The following OPCML variants were observed in gnomAD, a reference collection of about 807,000 sequenced individuals.
OPCML encodes the protein opioid-binding protein/cell adhesion molecule.
Under a neutral mutation model 37.8 loss-of-function variants are expected in OPCML, and 13 were observed. The observed-to-expected ratio is 0.34, with a 90% CI of 0.22 to 0.55. The LOEUF (loss-of-function observed/expected upper bound fraction) is 0.55, where lower values mean the gene tolerates loss of function less well. Ranked by LOEUF, OPCML falls within the 20% of genes least tolerant of loss-of-function variation. The pLI is 0.91. For missense variants in OPCML, 341 were observed against 435.6 expected (o/e 0.78, Z 1.93); for synonymous variants, 176 against 168.8 (o/e 1.04, Z -0.33).
At chr11:132,934,669 C>A (rs1945313977) in intron 2 of OPCML, among the ~76,000 whole-genome samples, 1 of 152,188 alleles carries the variant, frequency 6.6e-6, no homozygotes, top group Non-Finnish European at 1.5e-5. Flanking sequence ...CCTTCTTTAG[C>A]TCCTTTCTTT....
At chr11:133,050,734 T>C (rs914014196) in intron 1 of OPCML, among the ~76,000 whole-genome samples, 2 of 133,100 alleles carry the variant, frequency 1.5e-5, no homozygotes, top group Admixed American at 8.0e-5. Flanking sequence ...TTTTTTTTTT[T>C]CAGTGCATTT....
At chr11:133,332,796 G>T (rs552760156) in intron 1 of OPCML, among the ~76,000 whole-genome samples, 9 of 152,264 alleles carry the variant, frequency 5.9e-5, no homozygotes, top group African/African-American at 1.9e-4. Flanking sequence ...TGCCTGCGGG[G>T]ATGAAGTCTA....
chr11:133,438,532 CAGAG>C (rs1219443497), intron 1 of OPCML, among the ~76,000 whole-genome samples: 4 of 152,072 alleles, frequency 2.6e-5, no homozygotes, highest in African/African-American at 9.7e-5. Flanking sequence ...TTAAAAGAAA[CAGAG>C]GGAATAACAA....
At chr11:132,678,290 C>A (rs191459630) in intron 2 of OPCML, among the ~76,000 whole-genome samples, 1 of 152,120 alleles carries the variant, frequency 6.6e-6, no homozygotes, top group Non-Finnish European at 1.5e-5. Context: ...CCTTCATTGC[C>A]GGTAGGAATG....
At chr11:133,230,758 C>A (rs1246925456) in intron 1 of OPCML, among the ~76,000 whole-genome samples, 1 of 152,190 alleles carries the variant, frequency 6.6e-6, no homozygotes, top group Non-Finnish European at 1.5e-5. Flanking sequence ...TCACTGAGGA[C>A]AGGCCCATTT....
At chr11:133,123,132 A>G (rs1949446814) in intron 1 of OPCML, among the ~76,000 whole-genome samples, 2 of 152,206 alleles carry the variant, frequency 1.3e-5, no homozygotes, top group Admixed American at 6.5e-5. Flanking sequence ...CCCCAAGGAC[A>G]TGGATTTGAA....
intron 2 of OPCML, among the ~76,000 whole-genome samples, chr11:132,803,178 C>A (rs1013167551): frequency 3.3e-5 from 5 of 152,172 alleles, no homozygotes. Context: ...TCCCTCTCTT[C>A]ATCTGTTCTC....
At chr11:133,458,689 GTGTA>G (rs1222331904) in intron 1 of OPCML, among the ~76,000 whole-genome samples, 1 of 142,670 alleles carries the variant, frequency 7.0e-6, no homozygotes, top group Middle Eastern at 3.8e-3. Flanking sequence ...GCACGTGTGT[GTGTA>G]TATATACACA....
chr11:133,111,212 C>G lies in OPCML; in HGVS notation c.62-168202G>C, dbSNP rs114400576. ...AAAAAATGCACAAATGTGCTATGACCCCAGCAGAATACTTGGTGCCATTTA... is the reference window on the plus strand; with the variant it reads ...AAAAAATGCACAAATGTGCTATGACGCCAGCAGAATACTTGGTGCCATTTA... On this transcript the variant is annotated intron_variant, in intron 1 of 7. Coordinates refer to ENST00000524381, the MANE Select transcript of OPCML (RefSeq NM_001012393.5). Among the ~76,000 whole-genome samples, 1,108 of 152,202 alleles carry G rather than the reference C, an allele frequency of 7.3e-3. 13 individuals carry two copies. The highest frequency in any genetic ancestry group is 0.026 in the African/African-American group (1,070 of 41,516).
At chr11:132,629,779 A>T (rs928106412) in intron 3 of OPCML, among the ~76,000 whole-genome samples, 3 of 152,216 alleles carry the variant, frequency 2.0e-5, no homozygotes, top group Non-Finnish European at 2.9e-5. Flanking sequence ...ACTGGAAAAC[A>T]TATTAACTAG....
chr11:132,821,623 C>T (rs1939991080), intron 2 of OPCML, among the ~76,000 whole-genome samples: 1 of 152,166 alleles, frequency 6.6e-6, no homozygotes, highest in South Asian at 2.1e-4. Flanking sequence ...AAAGATTAGC[C>T]CCAGATTGCT....
At chr11:132,860,331 G>T (rs1411177579) in intron 2 of OPCML, 4 of 152,192 alleles carry the variant, frequency 2.6e-5, no homozygotes, top group African/African-American at 9.7e-5. Context: ...CTCAAAACTT[G>T]AGTTATACTA....
At chr11:133,038,646 C>G (rs1947828736) in intron 1 of OPCML, among the ~76,000 whole-genome samples, 2 of 152,232 alleles carry the variant, frequency 1.3e-5, no homozygotes, top group African/African-American at 4.8e-5. Context: ...AACTGCTGCA[C>G]AGAGAGGTTA....
At chr11:133,273,008 G>T (rs1156833316) in intron 1 of OPCML, among the ~76,000 whole-genome samples, 1 of 152,150 alleles carries the variant, frequency 6.6e-6, no homozygotes, top group Non-Finnish European at 1.5e-5. Flanking sequence ...GCTGCTGAGA[G>T]AGTGACTTCT....
At chr11:132,932,180 T>C (rs1366489381) in intron 2 of OPCML, among the ~76,000 whole-genome samples, 3 of 152,136 alleles carry the variant, frequency 2.0e-5, no homozygotes, top group Non-Finnish European at 4.4e-5. Context: ...TATTGTTTAA[T>C]GGATTCTGAG....
intron 1 of OPCML, among the ~76,000 whole-genome samples, chr11:133,305,522 A>C (rs1942894048): frequency 6.6e-6 from 1 of 152,222 alleles, no homozygotes; most frequent in Non-Finnish European, 1.5e-5. Flanking sequence ...CGTTTAATTA[A>C]ATCAATAGCT....
chr11:132,647,911 G>A (rs1941238916), intron 3 of OPCML, among the ~76,000 whole-genome samples: 1 of 152,180 alleles, frequency 6.6e-6, no homozygotes, highest in Admixed American at 6.5e-5. Context: ...GCCTATAGAG[G>A]AGAAATTTAG....
chr11:133,200,464 T>G (rs1466224640), intron 1 of OPCML, among the ~76,000 whole-genome samples: 1 of 152,194 alleles, frequency 6.6e-6, no homozygotes, highest in East Asian at 1.9e-4. Flanking sequence ...ATCTCCACCC[T>G]CAGCAATCTC....
intron 2 of OPCML, among the ~76,000 whole-genome samples, chr11:132,818,788 G>A (rs1172795562): frequency 6.7e-6 from 1 of 149,592 alleles, no homozygotes; most frequent in Non-Finnish European, 1.5e-5. Flanking sequence ...ATATATGGGG[G>A]AGGGGGGAGG....
Sources: gnomAD v4.1 joint callset for allele counts (sites outside exome capture counted in the v4.1 genomes callset) on GRCh38, gnomAD v4.1.1 for gene constraint, MANE v1.5 for transcripts, NCBI Gene and HGNC (gene_info 2026-07-23, HGNC 2026-07-21) for gene names.